EYS: variants seen among roughly 807,000 people sequenced by gnomAD.
EYS encodes protein eyes shut homolog.
Under a neutral mutation model 282.1 loss-of-function variants are expected in EYS, and 250 were observed. The ratio of observed to expected loss-of-function variants is 0.89; its 90% CI spans 0.80 to 0.98. The LOEUF (loss-of-function observed/expected upper bound fraction) is 0.98, where lower values mean the gene tolerates loss of function less well. Ranked by LOEUF, EYS falls within the 50% of genes least tolerant of loss-of-function variation. The pLI is 0.00. For missense variants in EYS, 4,016 were observed against 3,709.0 expected (o/e 1.08, Z -2.15); for synonymous variants, 1,355 against 1,282.9 (o/e 1.06, Z -1.20).
intron 12 of EYS, among the ~76,000 whole-genome samples, chr6:65,091,629 A>G (rs1476900220): frequency 1.3e-5 from 2 of 152,110 alleles, no homozygotes; most frequent in Non-Finnish European, 2.9e-5. Flanking sequence ...ATCTTCACGT[A>G]GTTTGAGTTT....
At chr6:63,831,870 C>T (rs899023111) in intron 36 of EYS, among the ~76,000 whole-genome samples, 2 of 152,190 alleles carry the variant, frequency 1.3e-5, no homozygotes, top group East Asian at 1.9e-4. Context: ...AACTGTCTCT[C>T]AGACCACACT....
chr6:65,507,826 G>A (rs952288782), intron 2 of EYS, among the ~76,000 whole-genome samples: 1 of 151,532 alleles, frequency 6.6e-6, no homozygotes, highest in Non-Finnish European at 1.5e-5. Flanking sequence ...TTACTCATTT[G>A]TTCTTGCATT....
At chr6:64,304,397 G>A (rs1262932446) in intron 30 of EYS, among the ~76,000 whole-genome samples, 3 of 152,144 alleles carry the variant, frequency 2.0e-5, no homozygotes, top group Non-Finnish European at 2.9e-5. Flanking sequence ...TAAAAGATAA[G>A]TAAGGAAATA....
At chr6:63,796,192 G>T (rs1413348591) in intron 37 of EYS, among the ~76,000 whole-genome samples, 2 of 152,148 alleles carry the variant, frequency 1.3e-5, no homozygotes, top group African/African-American at 4.8e-5. Flanking sequence ...TTATGAAGTG[G>T]TACATGCTTG....
intron 22 of EYS, among the ~76,000 whole-genome samples, chr6:64,634,675 A>C (rs796355279): frequency 9.8e-5 from 15 of 152,308 alleles, no homozygotes; most frequent in African/African-American, 3.6e-4. Flanking sequence ...ACTGCTCCAC[A>C]TGCCATGTGA....
chr6:64,286,657 C>T (rs1768513236), intron 30 of EYS, among the ~76,000 whole-genome samples: 1 of 152,138 alleles, frequency 6.6e-6, no homozygotes, highest in Non-Finnish European at 1.5e-5. Context: ...GTCCATCACA[C>T]TGTCAAGGTA....
At chr6:65,247,300 T>C (rs1472275557) in intron 12 of EYS, among the ~76,000 whole-genome samples, 1 of 152,060 alleles carries the variant, frequency 6.6e-6, no homozygotes, top group Non-Finnish European at 1.5e-5. Flanking sequence ...ATCAATTTTC[T>C]CATTATCTCA....
intron 12 of EYS, among the ~76,000 whole-genome samples, chr6:65,086,814 G>A (rs1020168698): frequency 8.6e-5 from 13 of 151,376 alleles, no homozygotes; most frequent in Non-Finnish European, 1.5e-4. Context: ...ATAAACATTT[G>A]TAAATATGTA....
At chr6:65,458,547 C>T (rs927723163) in intron 5 of EYS, among the ~76,000 whole-genome samples, 9 of 152,118 alleles carry the variant, frequency 5.9e-5, no homozygotes, top group South Asian at 4.1e-4. Flanking sequence ...TCGAGAACTT[C>T]AGGACTAATT....
chr6:63,869,030 T>C (rs148614160), intron 35 of EYS, among the ~76,000 whole-genome samples: 60 of 152,276 alleles, frequency 3.9e-4, no homozygotes, highest in African/African-American at 1.4e-3. Flanking sequence ...AAAACCAAAA[T>C]TACTTTGTGG....
intron 12 of EYS, among the ~76,000 whole-genome samples, chr6:65,282,010 T>G (rs1319787445): frequency 1.3e-5 from 2 of 151,962 alleles, no homozygotes; most frequent in African/African-American, 4.8e-5. Flanking sequence ...GAATGCTTAA[T>G]ATGTGGAATC....
intron 2 of EYS, among the ~76,000 whole-genome samples, chr6:65,502,574 A>G (rs1334656182): frequency 6.6e-6 from 1 of 151,606 alleles, no homozygotes; most frequent in African/African-American, 2.4e-5. Flanking sequence ...CTTAATGTCA[A>G]TGCTTTATTC....
chr6:64,385,442 T>G (rs1178872378), intron 29 of EYS, among the ~76,000 whole-genome samples: 1 of 152,196 alleles, frequency 6.6e-6, no homozygotes, highest in Non-Finnish European at 1.5e-5. Context: ...AAAACCTGCT[T>G]AGCTGGCTGC....
chr6:64,201,949 A>C (rs930054565), intron 31 of EYS, among the ~76,000 whole-genome samples: 2 of 152,172 alleles, frequency 1.3e-5, no homozygotes, highest in Admixed American at 1.3e-4. Flanking sequence ...CATCTAAGTG[A>C]GTGCAGGTTA....
At chr6:64,214,611 T>A (rs1765875562) in intron 31 of EYS, among the ~76,000 whole-genome samples, 1 of 152,030 alleles carries the variant, frequency 6.6e-6, no homozygotes. Context: ...TACATATTAA[T>A]GTCTACACAG....
intron 19 of EYS, among the ~76,000 whole-genome samples, chr6:64,870,833 C>T (rs1196814219): frequency 6.6e-6 from 1 of 150,896 alleles, no homozygotes; most frequent in East Asian, 1.9e-4. Flanking sequence ...TTGAGCAGAC[C>T]GAAGGAAAAA....
intron 26 of EYS, among the ~76,000 whole-genome samples, chr6:64,495,249 G>T (rs971868695): frequency 6.6e-6 from 1 of 151,726 alleles, no homozygotes; most frequent in Non-Finnish European, 1.5e-5. Context: ...TGGTGGGAAT[G>T]TAATATCCAT....
At chr6:63,838,657 C>G (rs1771871252) in intron 36 of EYS, among the ~76,000 whole-genome samples, 2 of 152,100 alleles carry the variant, frequency 1.3e-5, no homozygotes, top group African/African-American at 4.8e-5. Context: ...AGAGGAAGGC[C>G]AGTGGGGGCT....
chr6:63,843,087 A>G (rs750011438), intron 36 of EYS, among the ~76,000 whole-genome samples: 1 of 152,098 alleles, frequency 6.6e-6, no homozygotes, highest in South Asian at 2.1e-4. Context: ...TCTTGGCTAT[A>G]CAAGCTCTTT....
Sources: allele counts gnomAD v4.1 joint callset (sites outside exome capture counted in the v4.1 genomes callset), GRCh38; gene constraint gnomAD v4.1.1; transcripts MANE v1.5; gene names NCBI Gene and HGNC (gene_info 2026-07-23, HGNC 2026-07-21).